TSG101: variants seen among roughly 807,000 people sequenced by gnomAD.
The protein encoded by TSG101 is tumor susceptibility 101, also known as tumor susceptibility gene 101 protein.
TSG101 carries 19 observed loss-of-function variants against 48.5 expected under a neutral mutation model. That is an observed-to-expected ratio of 0.39 (90% CI 0.27 to 0.58). TSG101 has a LOEUF of 0.58. Ranked by LOEUF, TSG101 falls within the 20% of genes least tolerant of loss-of-function variation. The pLI is 0.55. For missense variants in TSG101, 365 were observed against 484.4 expected (o/e 0.75, Z 2.31); for synonymous variants, 174 against 169.4 (o/e 1.03, Z -0.21).
chr11:18,498,636 C>A (rs1207480079), intron 7 of TSG101, among the ~76,000 whole-genome samples: 1 of 152,064 alleles, frequency 6.6e-6, no homozygotes, highest in Non-Finnish European at 1.5e-5. Flanking sequence ...AGTAGAGATA[C>A]TGAAAAGGCA....
chr11:18,506,701 A>T (rs1849981270), intron 6 of TSG101, among the ~76,000 whole-genome samples, 156 bp downstream of exon 6: 1 of 152,130 alleles, frequency 6.6e-6, no homozygotes, highest in Non-Finnish European at 1.5e-5. Flanking sequence ...AAAAAAATAA[A>T]TAAATAAATA....
intron 4 of TSG101, 41 bp downstream of exon 4, chr11:18,514,637 T>C (rs748960336): frequency 1.4e-6 from 2 of 1,479,902 alleles, no homozygotes; most frequent in African/African-American, 1.5e-5. Flanking sequence ...GAGCAAAATA[T>C]ATAAAACATA....
chr11:18,523,377 A>C (rs949374226), intron 1 of TSG101, among the ~76,000 whole-genome samples: 3 of 152,090 alleles, frequency 2.0e-5, no homozygotes, highest in African/African-American at 7.2e-5. Context: ...GTATTTATTG[A>C]GTTGTTTATT....
intron 7 of TSG101, among the ~76,000 whole-genome samples, chr11:18,487,116 T>C (rs1477330766): frequency 1.0e-5 from 1 of 96,590 alleles, no homozygotes; most frequent in African/African-American, 4.1e-5. Flanking sequence ...TCGGGACCTG[T>C]TGTGGGGTGG....
intron 1 of TSG101, among the ~76,000 whole-genome samples, chr11:18,525,860 T>G (rs962204359): frequency 2.0e-5 from 3 of 152,230 alleles, no homozygotes; most frequent in African/African-American, 7.2e-5. Flanking sequence ...AAAAAGTCTG[T>G]TTTTAAAAAA....
At chr11:18,521,948 G>C (rs1227964407) in intron 1 of TSG101, among the ~76,000 whole-genome samples, 3 of 152,094 alleles carry the variant, frequency 2.0e-5, no homozygotes, top group Admixed American at 6.6e-5. Flanking sequence ...ACAGTGTTGG[G>C]ATTACAGGCA....
At chr11:18,522,297 G>C (rs1050579387) in intron 1 of TSG101, among the ~76,000 whole-genome samples, 16 of 152,042 alleles carry the variant, frequency 1.1e-4, no homozygotes, top group Non-Finnish European at 1.8e-4. Context: ...ATGTCAAATT[G>C]AACATGACCA....
intron 2 of TSG101, among the ~76,000 whole-genome samples, chr11:18,517,916 T>A (rs1033273578): frequency 6.6e-6 from 1 of 152,236 alleles, no homozygotes; most frequent in Non-Finnish European, 1.5e-5. Flanking sequence ...CCACCTTATA[T>A]AAATTTGGGG....
At chr11:18,502,696 A>G in intron 6 of TSG101, 119 bp from the exon 7 acceptor site, 2 of 689,254 alleles carry the variant, frequency 2.9e-6, no homozygotes, top group South Asian at 3.8e-5. Context: ...TGATGAATTT[A>G]TAGTCTTGGA....
At chr11:18,490,467 C>A in intron 7 of TSG101, 1 of 528,152 alleles carries the variant, frequency 1.9e-6, no homozygotes, top group South Asian at 1.7e-5. Flanking sequence ...CAGACCAAGT[C>A]AAACTGGATG....
chr11:18,526,923 C>G lies in TSG101; in HGVS notation c.-107G>C, dbSNP rs1321947216. 2 of 1,293,038 alleles carry G rather than the reference C, an allele frequency of 1.5e-6. No individual in the cohort carries two copies. The highest frequency in any genetic ancestry group is 2.1e-6 in the Non-Finnish European group (2 of 937,948). 80.1% of individuals were successfully genotyped at this position (1,293,038 alleles called of 1,614,324 possible). On this transcript the variant is annotated 5_prime_UTR_variant, in exon 1 of 10. Transcript: ENST00000251968. ...ACACCCCCAACCCGGCCTCAAACAA[C>G]AGGAAGTCGGCACCACTACACCACT... is the stretch of plus-strand genomic sequence containing the variant.
At chr11:18,499,247 TTATATATTA>T (rs1237646405) in intron 7 of TSG101, among the ~76,000 whole-genome samples, 2 of 136,044 alleles carry the variant, frequency 1.5e-5, no homozygotes, top group Non-Finnish European at 3.1e-5. Flanking sequence ...AATTATATAT[TTATATATTA>T]TATATATTTT....
chr11:18,481,764 C>T lies in TSG101; in HGVS notation c.949G>A (p.Val317Ile), dbSNP rs752481637. ...TATAAGGGAGCTGTGGGAATGATAACTTCATCGATATCATTGTTTTCAGAC... is the reference window on the plus strand; with the variant it reads ...TATAAGGGAGCTGTGGGAATGATAATTTCATCGATATCATTGTTTTCAGAC... ...NQSENNDIDE[V>I]IIPTAPLYKQ... Residue 317 changes from valine (V) to isoleucine (I), a missense_variant, in exon 9 of 10, where the codon GTT becomes ATT. Coordinates refer to ENST00000251968, the MANE Select transcript of TSG101 (RefSeq NM_006292.4). The T allele has an allele frequency of 6.2e-7, 1 of 1,614,158 alleles. No individual in the cohort carries two copies. Among genetic ancestry groups the T allele is most frequent in the South Asian group, 1.1e-5 (1 of 91,078 alleles).
intron 5 of TSG101, among the ~76,000 whole-genome samples, chr11:18,509,257 C>A (rs1463086521): frequency 6.6e-6 from 1 of 152,196 alleles, no homozygotes; most frequent in Non-Finnish European, 1.5e-5. Flanking sequence ...GGCTATTCTG[C>A]AGCATGCATA....
chr11:18,490,064 C>T (rs1271796531), intron 7 of TSG101, among the ~76,000 whole-genome samples: 2 of 146,266 alleles, frequency 1.4e-5, no homozygotes, highest in Non-Finnish European at 3.0e-5. Context: ...ATTTATGTGA[C>T]CAATCTGAGT....
chr11:18,490,188 G>T (rs1296172071), intron 7 of TSG101: 1 of 321,072 alleles, frequency 3.1e-6, no homozygotes, highest in African/African-American at 2.2e-5. Context: ...GATATACGTG[G>T]AGGGTACAGA....
chr11:18,490,451 A>C (rs1051826130), intron 7 of TSG101: 2 of 548,432 alleles, frequency 3.6e-6, no homozygotes, highest in Middle Eastern at 3.0e-4. Flanking sequence ...CTGAGAAATT[A>C]AGTGCCAGAC....
intron 7 of TSG101, among the ~76,000 whole-genome samples, chr11:18,495,584 G>T (rs1048909152): frequency 6.6e-6 from 1 of 151,786 alleles, no homozygotes; most frequent in Non-Finnish European, 1.5e-5. Flanking sequence ...GATTAAGATA[G>T]GTATAGTCAG....
rs1565081081 is a variant in TSG101 at position 18,484,083 on chromosome 11, CAG to C, written c.641-13_641-12del. 3 of 1,612,194 alleles carry C rather than the reference CAG, an allele frequency of 1.9e-6. No homozygotes were observed. The highest frequency in any genetic ancestry group is 1.3e-5 in the African/African-American group (1 of 74,784). Reference sequence around the variant, plus strand: ...CATCCCTACTGGGACCTGCAGGAAACAGAGGCAAAAAACACTTGCTTACTTCC... The same window carrying C: ...CATCCCTACTGGGACCTGCAGGAAACAGGCAAAAAACACTTGCTTACTTCC... On this transcript the variant is annotated splice_polypyrimidine_tract_variant and intron_variant, in intron 7 of 9. Coordinates refer to ENST00000251968, the MANE Select transcript of TSG101 (RefSeq NM_006292.4).
Sources: allele counts gnomAD v4.1 joint callset (sites outside exome capture counted in the v4.1 genomes callset), GRCh38; gene constraint gnomAD v4.1.1; transcripts MANE v1.5; gene names NCBI Gene and HGNC (gene_info 2026-07-23, HGNC 2026-07-21).